The following ZBTB7C variants were observed in gnomAD, a reference collection of about 807,000 sequenced individuals.
The protein encoded by ZBTB7C is zinc finger and BTB domain-containing protein 7C.
A neutral mutation model predicts 25.7 loss-of-function variants in ZBTB7C; 8 were observed. The observed-to-expected ratio is 0.31, with a 90% CI of 0.18 to 0.56. ZBTB7C has a LOEUF of 0.56. ZBTB7C is among the 20% of genes least tolerant of loss of function. ZBTB7C has a pLI of 0.91. For missense variants in ZBTB7C, 824 were observed against 855.2 expected (o/e 0.96, Z 0.46); for synonymous variants, 394 against 369.0 (o/e 1.07, Z -0.78).
intron 3 of ZBTB7C, among the ~76,000 whole-genome samples, chr18:48,058,514 C>T (rs2037004096): frequency 1.3e-5 from 2 of 152,240 alleles, no homozygotes; most frequent in Non-Finnish European, 2.9e-5. Context: ...GCTCACACCT[C>T]TAGTCCCACC....
rs76987811 is a variant in ZBTB7C at position 48,053,890 on chromosome 18, C to T, written c.-16-12767G>A. ...TGCTGGGCCCAGGAAGGGGACTCCTCCAAGGAGGTGAGGCCCCCAAGCAGC... is the reference window on the plus strand; with the variant it reads ...TGCTGGGCCCAGGAAGGGGACTCCTTCAAGGAGGTGAGGCCCCCAAGCAGC... On this transcript the variant is annotated intron_variant, in intron 3 of 4. Coordinates refer to ENST00000590800, the MANE Select transcript of ZBTB7C (RefSeq NM_001318841.2). Among the ~76,000 whole-genome samples, 11 of 152,268 alleles carry T rather than the reference C, an allele frequency of 7.2e-5. No homozygotes were observed. The East Asian group carries it at 1.9e-3, about 27-fold the overall frequency.
intron 2 of ZBTB7C, among the ~76,000 whole-genome samples, chr18:48,285,410 C>A (rs2045013675): frequency 6.6e-6 from 1 of 152,180 alleles, no homozygotes; most frequent in Non-Finnish European, 1.5e-5. Flanking sequence ...ATATTTTTCT[C>A]CTTACATTCT....
chr18:48,192,322 A>T (rs2042216755), intron 2 of ZBTB7C, among the ~76,000 whole-genome samples: 1 of 152,232 alleles, frequency 6.6e-6, no homozygotes, highest in Admixed American at 6.5e-5. Context: ...AGGGATCAAT[A>T]GACAGAGTAC....
At chr18:48,339,098 G>T (rs1239496392) in intron 1 of ZBTB7C, among the ~76,000 whole-genome samples, 1 of 152,250 alleles carries the variant, frequency 6.6e-6, no homozygotes, top group Non-Finnish European at 1.5e-5. Flanking sequence ...TGTGTCAGGA[G>T]GGGCCAAAGT....
intron 3 of ZBTB7C, among the ~76,000 whole-genome samples, chr18:48,093,017 G>A (rs927799108): frequency 1.3e-4 from 20 of 152,218 alleles, no homozygotes; most frequent in East Asian, 1.9e-4. Context: ...GCAAGTGCCC[G>A]GGGGCCAGTC....
chr18:48,410,781 C>G (rs1283998476), upstream of ZBTB7C: 2 of 152,254 alleles, frequency 1.3e-5, no homozygotes, highest in Non-Finnish European at 2.9e-5. Flanking sequence ...CGGGTCCTCT[C>G]CGGGGCTCCT....
intron 2 of ZBTB7C, among the ~76,000 whole-genome samples, chr18:48,209,648 C>G (rs1281552037): frequency 1.3e-5 from 2 of 151,868 alleles, no homozygotes; most frequent in East Asian, 3.9e-4. Flanking sequence ...CCCAGCTACT[C>G]TAGAGACTGA....
At chr18:48,225,260 G>A (rs1239989895) in intron 2 of ZBTB7C, among the ~76,000 whole-genome samples, 1 of 151,958 alleles carries the variant, frequency 6.6e-6, no homozygotes, top group Non-Finnish European at 1.5e-5. Context: ...AGAGGTAAAA[G>A]AGGGAGAGAA....
intron 3 of ZBTB7C, among the ~76,000 whole-genome samples, chr18:48,078,034 C>T (rs2144457508): frequency 6.6e-6 from 1 of 152,254 alleles, no homozygotes; most frequent in Admixed American, 6.5e-5. Context: ...AGCTGCCCCC[C>T]ATACCATGAC....
chr18:48,397,581 G>A (rs1448723202), intron 1 of ZBTB7C, among the ~76,000 whole-genome samples: 5 of 152,188 alleles, frequency 3.3e-5, no homozygotes, highest in African/African-American at 4.8e-5. Context: ...GTGAGAATGA[G>A]CGGCTATGTC....
intron 2 of ZBTB7C, among the ~76,000 whole-genome samples, chr18:48,300,575 C>G (rs1342928962): frequency 6.6e-6 from 1 of 152,060 alleles, no homozygotes; most frequent in Non-Finnish European, 1.5e-5. Flanking sequence ...CAGGGAGGCT[C>G]CCTAGAAGAG....
At chr18:48,364,402 T>C (rs1355770840) in intron 1 of ZBTB7C, among the ~76,000 whole-genome samples, 1 of 152,088 alleles carries the variant, frequency 6.6e-6, no homozygotes, top group East Asian at 1.9e-4. Flanking sequence ...GGAGGCAGCA[T>C]TTGGGCCTGA....
intron 3 of ZBTB7C, among the ~76,000 whole-genome samples, chr18:48,157,709 T>C (rs1340402757): frequency 2.6e-5 from 4 of 152,200 alleles, no homozygotes; most frequent in Non-Finnish European, 5.9e-5. Flanking sequence ...CTGCCTCAGT[T>C]TCCTCATCTG....
chr18:48,384,875 C>T (rs1157967067), intron 1 of ZBTB7C, among the ~76,000 whole-genome samples: 1 of 151,974 alleles, frequency 6.6e-6, no homozygotes, highest in East Asian at 1.9e-4. Context: ...AGAGACGAGG[C>T]TTCACCACCT....
chr18:48,140,495 CTCTGG>C (rs2040307327), intron 3 of ZBTB7C, among the ~76,000 whole-genome samples: 1 of 152,016 alleles, frequency 6.6e-6, no homozygotes, highest in South Asian at 2.1e-4. Flanking sequence ...ATCTTTGTGA[CTCTGG>C]TGACTCAAGG....
chr18:48,029,984 T>G, intron 4 of ZBTB7C, 73 bp from the exon 5 acceptor site: 1 of 1,590,484 alleles, frequency 6.3e-7, no homozygotes, highest in East Asian at 2.2e-5. Flanking sequence ...GCTCCCCCTT[T>G]CTCCAGAACC....
In ZBTB7C at chr18:48,033,830, A is replaced by G. The variant is rs796900687; in HGVS notation, c.1209-3919T>C. On this transcript the variant is annotated intron_variant, in intron 4 of 4. Coordinates refer to ENST00000590800, the MANE Select transcript of ZBTB7C (RefSeq NM_001318841.2). ...CTTTCCTGTGGATACTGTGACGTGC[A>G]TTGGAGCTGGAGGTGGTGCCGGGCA... Among the ~76,000 whole-genome samples the G allele has an allele frequency of 3.7e-4, 56 of 152,278 alleles. 1 individual carries two copies. Among genetic ancestry groups the G allele is most frequent in the African/African-American group, 1.3e-3 (55 of 41,540 alleles).
chr18:48,234,542 G>C (rs181673245), intron 2 of ZBTB7C, among the ~76,000 whole-genome samples: 1 of 152,134 alleles, frequency 6.6e-6, no homozygotes, highest in Admixed American at 6.5e-5. Flanking sequence ...TTACCTGCTA[G>C]GGTGCAATAC....
rs780321760 is a variant in ZBTB7C, at chr18:48,040,636, C to T, written c.472G>A (p.Glu158Lys). The change falls in exon 4 of 5, where the codon GAG becomes AAG. Residue 158 changes from glutamate (E) to lysine (K), a missense_variant. Glu to Lys is a moderately conservative substitution (Grantham distance 56, BLOSUM62 1). Around this residue, in one of 4 missense-constraint regions of ZBTB7C, gnomAD observed 316 missense variants for 299.2 expected, o/e 1.06. Transcript: ENST00000590800. ...TCATCGTCATCCTCCTCCTCTTCCT[C>T]CTCCTCCTCTTCGTCCTCCTCATCA... ...DDDEEDEEEEEEEEEDDDDDT... is the reference protein window; with the variant it reads ...DDDEEDEEEEKEEEEDDDDDT... 2.5e-6 allele frequency: 4 copies of T among 1,613,176 alleles called. No homozygotes were observed. The highest frequency in any genetic ancestry group is 2.7e-5 in the African/African-American group (2 of 74,852).
Sources: gnomAD v4.1 joint callset for allele counts (sites outside exome capture counted in the v4.1 genomes callset) on GRCh38, gnomAD v4.1.1 for gene constraint, gnomAD v4.1.1 regional missense constraint, MANE v1.5 for transcripts, NCBI Gene and HGNC (gene_info 2026-07-23, HGNC 2026-07-21) for gene names.